Variants in ZNF99 observed in about 807,000 individuals in gnomAD.
The protein encoded by ZNF99 is zinc finger protein 99, also known as zinc finger protein ENSP00000375192.
ZNF99 carries 8 observed loss-of-function variants against 12.8 expected under a neutral mutation model. That is an observed-to-expected ratio of 0.62 (90% CI 0.37 to 1.13). ZNF99 has a LOEUF of 1.13. ZNF99 is among the 50% of genes most tolerant of loss of function. The probability of loss-of-function intolerance (pLI) is 0.02; values close to 1 mark genes in which losing one functional copy is unlikely to be tolerated. For synonymous variants in ZNF99, 318 were observed against 319.0 expected (o/e 1.00, Z 0.03); for missense variants, 1,007 against 1,006.2 (o/e 1.00, Z -0.01).
At position 22,755,519 on chromosome 19, in the gene ZNF99, C is replaced by T. The variant is rs61748329; in HGVS notation, c.*1795G>A. On this transcript the variant is annotated 3_prime_UTR_variant, in exon 4 of 4. Coordinates refer to ENST00000596209, the MANE Select transcript of ZNF99 (RefSeq NM_001080409.3). ...TGAGAACCCGTTAGAAGCTTTGCCA[C>T]ATTCTTCACATTTGTAAAGTATCTC... 77 of 302,844 alleles carry T rather than the reference C, an allele frequency of 2.5e-4. No homozygotes were observed. The highest frequency in any genetic ancestry group is 2.0e-4 in the Admixed American group (5 of 24,398). The allele number at this position is 302,844 out of a possible 1,614,324, so 18.8% of individuals were successfully genotyped here. A position where few individuals can be genotyped will look rare whatever the true frequency, so the allele number is the denominator to read the frequency against.
chr19:22,754,367 A>C lies in ZNF99; in HGVS notation c.*2947T>G, dbSNP rs1599437459. ...GGGCGACAGAGTGAGACTCCATTTC[A>C]AAAAAAAAAAAAAAACTTTGCCACA... is the stretch of plus-strand genomic sequence containing the variant. On this transcript the variant is annotated 3_prime_UTR_variant, in exon 4 of 4. Transcript: ENST00000596209. 1 of 154,688 alleles carries C rather than the reference A, an allele frequency of 6.5e-6. No homozygotes were observed. The allele number at this position is 154,688 out of a possible 1,614,324, so 9.6% of individuals were successfully genotyped here.
Position 22,753,531 on chromosome 19 carries a change from G to A in ZNF99, c.*3783C>T, listed in dbSNP as rs1256351127. ...TATACATTCCCTGATATTGAACAAA[G>A]TTTGAGCAACTTTAGGGTTTTTCTC... is the stretch of plus-strand genomic sequence containing the variant. On this transcript the variant is annotated 3_prime_UTR_variant, in exon 4 of 4. Transcript: ENST00000596209. The A allele has an allele frequency of 6.6e-6, 1 of 151,936 alleles. No individual in the cohort carries two copies. Among genetic ancestry groups the A allele is most frequent in the Non-Finnish European group, 1.5e-5 (1 of 67,972 alleles). The allele number at this position is 151,936 out of a possible 1,614,324, so 9.4% of individuals were successfully genotyped here.
Position 22,759,478 on chromosome 19 carries a change from AT to A in ZNF99, c.430del (p.Ile144TyrfsTer8), listed in dbSNP as rs564678369. ...NQCWTTTQGK[I>X]FQCNKYVKVF... ...TTTCACATATTTGTTACACTGAAAT[AT>A]TTTTCCCTGGGTAGTTGTCCAACAT... On this transcript the variant is annotated frameshift_variant, in exon 4 of 4. Transcript: ENST00000596209. LOFTEE classifies it low-confidence loss of function (END_TRUNC). 1.4e-4 allele frequency: 229 copies of A among 1,606,746 alleles called. No individual in the cohort carries two copies. In the African/African-American group the frequency reaches 2.7e-3, roughly 19 times the overall value.
rs1167716464 is a variant in ZNF99, at chr19:22,758,985, A to G, written c.924T>C (p.Thr308=). The G allele has an allele frequency of 6.8e-6, 11 of 1,613,976 alleles. No homozygotes were observed. In the African/African-American group the frequency reaches 1.1e-4, roughly 16 times the overall value. The change falls in exon 4 of 4, where the codon ACT becomes ACC. Residue 308 remains threonine, a synonymous_variant. Transcript: ENST00000596209. ...CTTCGCATTTGTAGGGTTTCTCTCCAGTATGAATTGCTTTATGTCTAGTAA... is the reference window on the plus strand; with the variant it reads ...CTTCGCATTTGTAGGGTTTCTCTCCGGTATGAATTGCTTTATGTCTAGTAA... ...SHLTRHKAIH[T]GEKPYKCEEC... is the part of the protein sequence containing the mutation.
At position 22,755,307 on chromosome 19, in the gene ZNF99, A is replaced by G. The variant is rs1973035133; in HGVS notation, c.*2007T>C. 7.8e-6 allele frequency: 2 copies of G among 257,576 alleles called. No individual in the cohort carries two copies. The highest frequency in any genetic ancestry group is 1.6e-5 in the Non-Finnish European group (2 of 124,772). 16.0% of individuals were successfully genotyped at this position (257,576 alleles called of 1,614,324 possible). A position where few individuals can be genotyped will look rare whatever the true frequency, so the allele number is the denominator to read the frequency against. On this transcript the variant is annotated 3_prime_UTR_variant, in exon 4 of 4. Coordinates refer to ENST00000596209, the MANE Select transcript of ZNF99 (RefSeq NM_001080409.3). ...ATTTCTAGAGTTTGTCTTCAGTATC[A>G]ACTATTTTCTGTTGAGTAAGGTCTG...
chr19:22,756,759 G>A lies in ZNF99; in HGVS notation c.*555C>T. On this transcript the variant is annotated 3_prime_UTR_variant, in exon 4 of 4. Transcript: ENST00000596209. ...TATGTTTCATAAGGGTTGAGGAATT[G>A]TTAAAAGCTTTGCCACATTCTTCAC... 1 of 1,607,424 alleles carries A rather than the reference G, an allele frequency of 6.2e-7. No individual in the cohort carries two copies. The highest frequency in any genetic ancestry group is 2.2e-5 in the East Asian group (1 of 44,562).
chr19:22,781,032 T>G (rs1339705095), intron 1 of ZNF99, among the ~76,000 whole-genome samples: 3 of 152,172 alleles, frequency 2.0e-5, no homozygotes, highest in Admixed American at 6.6e-5. Flanking sequence ...AGAAAATTCC[T>G]AAAGTCATTC....
rs770387525 is a variant in ZNF99 at position 22,756,691 on chromosome 19, C to T, written c.*623G>A. Reference sequence around the variant, plus strand: ...CGAGAAATTGTTAAAACCTTTGCCACATTCTTCACATTTGTACGGTTTCTC... The same window carrying T: ...CGAGAAATTGTTAAAACCTTTGCCATATTCTTCACATTTGTACGGTTTCTC... On this transcript the variant is annotated 3_prime_UTR_variant, in exon 4 of 4. Coordinates refer to ENST00000596209, the MANE Select transcript of ZNF99 (RefSeq NM_001080409.3). 2.0e-6 allele frequency: 3 copies of T among 1,472,400 alleles called. No homozygotes were observed. The highest frequency in any genetic ancestry group is 2.7e-6 in the Non-Finnish European group (3 of 1,099,964). The allele number at this position is 1,472,400 out of a possible 1,614,324, so 91.2% of individuals were successfully genotyped here. A position where few individuals can be genotyped will look rare whatever the true frequency, so the allele number is the denominator to read the frequency against.
At chr19:22,775,950 A>C (rs1973321225) in intron 1 of ZNF99, among the ~76,000 whole-genome samples, 6 of 152,312 alleles carry the variant, frequency 3.9e-5, no homozygotes, top group Middle Eastern at 3.4e-3. Flanking sequence ...TGAACCCGGG[A>C]GGCAGAGGTT....
intron 1 of ZNF99, chr19:22,770,958 A>G (rs1239765189): frequency 7.4e-6 from 1 of 135,050 alleles, no homozygotes; most frequent in Non-Finnish European, 1.5e-5. Context: ...TTTTTTTTTG[A>G]GATGGAGTCT....
intron 1 of ZNF99, chr19:22,771,299 A>G (rs1469725656): frequency 5.3e-5 from 6 of 113,592 alleles, no homozygotes; most frequent in Non-Finnish European, 9.7e-5. Context: ...TCTGTCGCCC[A>G]GGCTGGAGTG....
At chr19:22,775,396 C>G (rs922659069) in intron 1 of ZNF99, among the ~76,000 whole-genome samples, 12 of 152,102 alleles carry the variant, frequency 7.9e-5, no homozygotes, top group African/African-American at 2.7e-4. Context: ...ACATCATATA[C>G]AAAAATCAAC....
Position 22,752,501 on chromosome 19 carries a change from A to T in ZNF99, c.*4813T>A, listed in dbSNP as rs1342438938. 4 of 152,058 alleles carry T rather than the reference A, an allele frequency of 2.6e-5. No homozygotes were observed. The highest frequency in any genetic ancestry group is 5.9e-5 in the Non-Finnish European group (4 of 67,998). 9.4% of individuals were successfully genotyped at this position (152,058 alleles called of 1,614,324 possible). ...AAAAAAAAAAAGAAGTTTAAATAAG[A>T]TTAAAAGTATAAAAATGTAACCTAC... On this transcript the variant is annotated 3_prime_UTR_variant, in exon 4 of 4. Coordinates refer to ENST00000596209, the MANE Select transcript of ZNF99 (RefSeq NM_001080409.3).
intron 3 of ZNF99, among the ~76,000 whole-genome samples, chr19:22,763,173 T>A: frequency 6.6e-6 from 1 of 152,230 alleles, no homozygotes; most frequent in East Asian, 1.9e-4. Context: ...GGCATCAAAA[T>A]TGGTAAAGAG....
At position 22,758,933 on chromosome 19, in the gene ZNF99, A is replaced by C. The variant is rs1973115297; in HGVS notation, c.976T>G (p.Ser326Ala). ...ATTATCTGATGTTTTCTAAGGGCTG[A>C]GAAATGGTTAAAAGCTTTGCCACAT... The part of the protein sequence containing the change: ...EECGKAFNHF[S>A]ALRKHQIIHT... The change falls in exon 4 of 4, where the codon TCA becomes GCA. Residue 326 changes from serine (S) to alanine (A), a missense_variant. By Grantham distance (99) the Ser-to-Ala change is moderately conservative (BLOSUM62 1). Coordinates refer to ENST00000596209, the MANE Select transcript of ZNF99 (RefSeq NM_001080409.3). 6.2e-7 allele frequency: 1 copy of C among 1,613,916 alleles called. No homozygotes were observed. The highest frequency in any genetic ancestry group is 1.7e-5 in the Admixed American group (1 of 60,010).
At chr19:22,773,770 T>C (rs78063827) in intron 1 of ZNF99, 4,436 of 152,326 alleles carry the variant, frequency 0.029, 98 homozygotes, top group Non-Finnish European at 0.046. Context: ...ACCCCTACCA[T>C]CTGCCATTGA....
At position 22,769,236 on chromosome 19, in the gene ZNF99, T is replaced by C. The variant is rs1337171795; in HGVS notation, c.92A>G (p.Asn31Ser). 1 of 1,609,348 alleles carries C rather than the reference T, an allele frequency of 6.2e-7. No individual in the cohort carries two copies. The highest frequency in any genetic ancestry group is 1.1e-5 in the South Asian group (1 of 90,938). The part of the protein sequence containing the change: ...LDMAQQNLYR[N>S]VMLENYRNLV... Reference sequence around the variant, plus strand: ...GTTTCTGTAGTTCTCTAACATAACATTCCTATATAAATTCTGCTGAGCCAT... The same window carrying C: ...GTTTCTGTAGTTCTCTAACATAACACTCCTATATAAATTCTGCTGAGCCAT... Residue 31 changes from asparagine (N) to serine (S), a missense_variant, in exon 2 of 4, where the codon AAT becomes AGT. Physicochemically the swap from Asn to Ser is conservative, Grantham distance 46. Coordinates refer to ENST00000596209, the MANE Select transcript of ZNF99 (RefSeq NM_001080409.3).
rs772943264 is a variant in ZNF99 at position 22,757,659 on chromosome 19, T to C, written c.2250A>G (p.Val750=). The C allele has an allele frequency of 6.2e-7, 1 of 1,611,960 alleles. No homozygotes were observed. The highest frequency in any genetic ancestry group is 8.5e-7 in the Non-Finnish European group (1 of 1,179,696). Residue 750 remains valine, a synonymous_variant, in exon 4 of 4, where the codon GTA becomes GTG. Coordinates refer to ENST00000596209, the MANE Select transcript of ZNF99 (RefSeq NM_001080409.3). ...KAFKWSSKLT[V]HKVIHTAEKP... is the part of the protein sequence containing the mutation. ...TCTCTGCAGTATGAATTACCTTATG[T>C]ACAGTAAGTTTTGAGGACCACTTAA...
At chr19:22,783,865 C>T (rs1293972672) in intron 1 of ZNF99, 149 bp downstream of exon 1, 6 of 1,042,522 alleles carry the variant, frequency 5.8e-6, no homozygotes, top group Middle Eastern at 2.0e-4. Flanking sequence ...CATCTTATGG[C>T]TGAAGGAGAC....
Sources: allele counts gnomAD v4.1 joint callset (sites outside exome capture counted in the v4.1 genomes callset), GRCh38; gene constraint gnomAD v4.1.1; transcripts MANE v1.5; gene names NCBI Gene and HGNC (gene_info 2026-07-23, HGNC 2026-07-21).